The following SLC35D4 variants were observed in gnomAD, a reference collection of about 807,000 sequenced individuals.
SLC35D4 encodes solute carrier family 35 member D4, also known as UDP-N-acetylglucosamine transporter SLC35D4.
the SLC35D4 span, among the ~76,000 whole-genome samples, chr18:23,430,883 C>T: frequency 1.3e-5 from 2 of 152,156 alleles, no homozygotes; most frequent in Admixed American, 6.5e-5. Context: ...CAGCTGGGCA[C>T]GGTGGCTCAT....
chr18:23,399,680 T>C, the SLC35D4 span: 3 of 1,609,604 alleles, frequency 1.9e-6, no homozygotes, highest in Admixed American at 1.7e-5. Flanking sequence ...ATAACACTTT[T>C]GCCACTTTTT....
the SLC35D4 span, among the ~76,000 whole-genome samples, chr18:23,405,165 T>C: frequency 6.6e-6 from 1 of 152,080 alleles, no homozygotes; most frequent in Non-Finnish European, 1.5e-5. Context: ...CTCTAGAAGC[T>C]GTGATAAATA....
chr18:23,436,308 G>A, the SLC35D4 span, among the ~76,000 whole-genome samples: 18 of 74,572 alleles, frequency 2.4e-4, no homozygotes, highest in East Asian at 5.9e-3. Flanking sequence ...GATTACAGGC[G>A]TGAGCCACCA....
chr18:23,325,732 G>A, the SLC35D4 span, among the ~76,000 whole-genome samples: 1 of 152,130 alleles, frequency 6.6e-6, no homozygotes, highest in African/African-American at 2.4e-5. Context: ...CCCCTCCAAT[G>A]TATAAAGTAC....
chr18:23,378,328 C>T, the SLC35D4 span, among the ~76,000 whole-genome samples: 2 of 152,062 alleles, frequency 1.3e-5, no homozygotes, highest in African/African-American at 4.8e-5. Context: ...TGAGCCACTG[C>T]ACCCAACCTC....
the SLC35D4 span, among the ~76,000 whole-genome samples, chr18:23,435,328 C>T: frequency 1.3e-5 from 2 of 151,832 alleles, no homozygotes; most frequent in African/African-American, 4.8e-5. Context: ...ATGTGTTAAT[C>T]TACCCCTTCT....
At chr18:23,308,327 C>T in the SLC35D4 span, among the ~76,000 whole-genome samples, 8 of 152,102 alleles carry the variant, frequency 5.3e-5, no homozygotes, top group Non-Finnish European at 1.2e-4. Context: ...ATTTGGCGAA[C>T]GATCTATTCC....
chr18:23,419,230 G>C, the SLC35D4 span, among the ~76,000 whole-genome samples: 1 of 152,162 alleles, frequency 6.6e-6, no homozygotes, highest in Non-Finnish European at 1.5e-5. Flanking sequence ...GGCAGGAGTA[G>C]ATAACCAGTT....
chr18:23,293,723 A>T, the SLC35D4 span, among the ~76,000 whole-genome samples: 13 of 152,358 alleles, frequency 8.5e-5, no homozygotes, highest in African/African-American at 3.1e-4. Flanking sequence ...TATTTTCTGT[A>T]ACACTCCCCT....
At chr18:23,275,612 CTGTG>C in the SLC35D4 span, among the ~76,000 whole-genome samples, 1 of 127,834 alleles carries the variant, frequency 7.8e-6, no homozygotes, top group African/African-American at 2.8e-5. Flanking sequence ...CTGTGCTGTG[CTGTG>C]CTGTGCTGTG....
the SLC35D4 span, among the ~76,000 whole-genome samples, chr18:23,282,341 C>T: frequency 1.3e-5 from 2 of 152,200 alleles, no homozygotes; most frequent in Non-Finnish European, 2.9e-5. Context: ...ATAGAACTGG[C>T]CTAGGTTTAT....
chr18:23,362,057 T>C, the SLC35D4 span, among the ~76,000 whole-genome samples: 173 of 152,364 alleles, frequency 1.1e-3, 1 homozygote, highest in African/African-American at 3.8e-3. Context: ...TCTACAATCA[T>C]ATACTTCTGA....
chr18:23,297,857 A>G, the SLC35D4 span: 4 of 842,298 alleles, frequency 4.7e-6, no homozygotes, highest in Non-Finnish European at 7.5e-6. Context: ...CACTTGGGTG[A>G]GGGTGATGGC....
At chr18:23,430,557 T>C in the SLC35D4 span, 1 of 1,298,408 alleles carries the variant, frequency 7.7e-7, no homozygotes, top group Non-Finnish European at 1.1e-6. Flanking sequence ...ATGCAGTTAT[T>C]AAAACTATTT....
At chr18:23,295,401 G>A in the SLC35D4 span, among the ~76,000 whole-genome samples, 1 of 151,838 alleles carries the variant, frequency 6.6e-6, no homozygotes, top group Non-Finnish European at 1.5e-5. Flanking sequence ...ACTCTTCAAA[G>A]TGAGAAGGTA....
At chr18:23,410,902 T>C in the SLC35D4 span, among the ~76,000 whole-genome samples, 4 of 152,176 alleles carry the variant, frequency 2.6e-5, no homozygotes, top group African/African-American at 9.7e-5. Context: ...GATTCTAGGA[T>C]AGCCAGAGGC....
the SLC35D4 span, among the ~76,000 whole-genome samples, chr18:23,267,624 C>G: frequency 6.6e-6 from 1 of 152,204 alleles, no homozygotes. Context: ...CCTCAGCCAG[C>G]TTCTCCCTAA....
At chr18:23,430,505 G>A in the SLC35D4 span, 736 of 683,198 alleles carry the variant, frequency 1.1e-3, 6 homozygotes, top group African/African-American at 0.012. Context: ...TTAATAAGGC[G>A]GCTAAATATC....
the SLC35D4 span, among the ~76,000 whole-genome samples, chr18:23,327,455 A>G: frequency 6.6e-6 from 1 of 152,232 alleles, no homozygotes; most frequent in South Asian, 2.1e-4. Flanking sequence ...TCTAGAAGAA[A>G]TGGATAAATT....
Sources: allele counts gnomAD v4.1 joint callset (sites outside exome capture counted in the v4.1 genomes callset), GRCh38; gene constraint gnomAD v4.1.1; transcripts MANE v1.5; gene names NCBI Gene and HGNC (gene_info 2026-07-23, HGNC 2026-07-21).